The following BCOR variants were observed in gnomAD, a reference collection of about 807,000 sequenced individuals.
BCOR encodes BCL-6 corepressor.
A neutral mutation model predicts 86.7 loss-of-function variants in BCOR; 10 were observed. That is an observed-to-expected ratio of 0.12 (90% CI 0.07 to 0.20). The LOEUF is 0.20. BCOR is among the 10% of genes least tolerant of loss of function. BCOR has a pLI of 1.00. For missense variants in BCOR, 1,259 were observed against 1,452.1 expected (o/e 0.87, Z 2.16); for synonymous variants, 611 against 609.0 (o/e 1.00, Z -0.05).
chrX:40,125,294 C>A (rs1937525885), intron 1 of BCOR, among the ~76,000 whole-genome samples: 3 of 111,558 alleles, frequency 2.7e-5, no homozygotes, highest in African/African-American at 9.8e-5. Context: ...AGTGCAGTGG[C>A]GAGATCTCAG....
intron 1 of BCOR, among the ~76,000 whole-genome samples, chrX:40,110,108 A>C (rs912102295): frequency 8.9e-6 from 1 of 112,919 alleles, no homozygotes; most frequent in African/African-American, 3.2e-5. Flanking sequence ...CATGATGTTC[A>C]GGGTAATTTC....
chrX:40,104,412 CCTT>C (rs1477512169), intron 1 of BCOR, among the ~76,000 whole-genome samples: 1 of 112,183 alleles, frequency 8.9e-6, no homozygotes, highest in Non-Finnish European at 1.9e-5. Flanking sequence ...TTTTAGAAAT[CCTT>C]CTTTCCGCAC....
At chrX:40,146,254 G>A (rs899110304) in intron 1 of BCOR, among the ~76,000 whole-genome samples, 1 of 111,746 alleles carries the variant, frequency 8.9e-6, no homozygotes, top group East Asian at 2.9e-4. Context: ...CGCGGAGCCG[G>A]GGCTGGGGAG....
At chrX:40,099,256 C>T (rs1265330582), upstream of BCOR, among the ~76,000 whole-genome samples, 1 of 112,078 alleles carries the variant, frequency 8.9e-6, no homozygotes, top group Non-Finnish European at 1.9e-5. Flanking sequence ...AGCGGAGAAG[C>T]GAGGTTCCGG....
intron 1 of BCOR, among the ~76,000 whole-genome samples, chrX:40,095,510 TA>T (rs1936816287): frequency 9.1e-6 from 1 of 110,300 alleles, no homozygotes; most frequent in Non-Finnish European, 1.9e-5. Flanking sequence ...CAGGCCATTT[TA>T]AGGATCTTTC....
intron 1 of BCOR, among the ~76,000 whole-genome samples, chrX:40,095,146 TC>T (rs762763438): frequency 7.5e-5 from 8 of 106,760 alleles, no homozygotes; most frequent in Non-Finnish European, 1.6e-4. Context: ...ATCATCGCCT[TC>T]CCCCCCCACT....
intron 1 of BCOR, among the ~76,000 whole-genome samples, chrX:40,138,128 T>A (rs1937726801): frequency 9.0e-6 from 1 of 111,693 alleles, no homozygotes; most frequent in Non-Finnish European, 1.9e-5. Flanking sequence ...AATTTTGTAT[T>A]TTTAGTAGAG....
At chrX:40,065,662 A>AC (rs749027897) in intron 6 of BCOR, among the ~76,000 whole-genome samples, 1 of 112,198 alleles carries the variant, frequency 8.9e-6, no homozygotes, top group East Asian at 2.8e-4. Flanking sequence ...TTTTTCTAAT[A>AC]CACAATGAAT....
intron 7 of BCOR, among the ~76,000 whole-genome samples, 172 bp from the exon 8 acceptor site, chrX:40,064,124 G>A (rs1935055260): frequency 9.2e-6 from 1 of 108,844 alleles, no homozygotes; most frequent in Non-Finnish European, 1.9e-5. Context: ...GAGGGGAGGT[G>A]TGGGCGGCTC....
At chrX:40,109,433 G>A (rs1458466737) in intron 1 of BCOR, among the ~76,000 whole-genome samples, 1 of 112,406 alleles carries the variant, frequency 8.9e-6, no homozygotes, top group African/African-American at 3.2e-5. Flanking sequence ...CCCCCACGCC[G>A]GGCTTCAAAA....
Position 40,074,793 on chromosome X carries a change from T to C in BCOR, c.553A>G (p.Ser185Gly), listed in dbSNP as rs1471719373. ...TTGACCCAGGGCAGCCGCAGATAAC[T>C]AGCACCATTGATGTTGAGAGGGCTC... is the stretch of plus-strand genomic sequence containing the variant. ...KQSPLNINGA[S>G]YLRLPWVNPY... Residue 185 changes from serine (S) to glycine (G), a missense_variant, in exon 4 of 15, where the codon AGT (serine) becomes GGT (glycine). By Grantham distance (56) the Ser-to-Gly change is moderately conservative. This residue lies in a region of BCOR where 174 missense variants were observed against 189.3 expected (regional missense o/e 0.92). Transcript: ENST00000378444. 1.7e-6 allele frequency: 2 copies of C among 1,211,821 alleles called. No homozygotes were observed. The highest frequency in any genetic ancestry group is 1.8e-5 in the South Asian group (1 of 56,977).
At chrX:40,081,836 T>C (rs1396451889) in intron 1 of BCOR, among the ~76,000 whole-genome samples, 9 of 111,609 alleles carry the variant, frequency 8.1e-5, no homozygotes, top group Admixed American at 7.5e-4. Flanking sequence ...AGGGTGTGGG[T>C]CTCTAAAGAA....
chrX:40,108,784 C>G (rs1386859205), intron 1 of BCOR, among the ~76,000 whole-genome samples: 1 of 113,295 alleles, frequency 8.8e-6, no homozygotes, highest in Non-Finnish European at 1.9e-5. Flanking sequence ...CCAAACTGAT[C>G]GCACCCTGTA....
Position 40,140,215 on chromosome X carries a change from T to C in BCOR, c.-41+36792A>G, listed in dbSNP as rs1937889088. Among the ~76,000 whole-genome samples the C allele has an allele frequency of 2.9e-5, 3 of 105,241 alleles. No homozygotes were observed. The South Asian group carries it at 1.3e-3, about 45-fold the overall frequency. 91.4% of individuals were successfully genotyped at this position (105,241 alleles called of 115,157 possible). On this transcript the variant is annotated intron_variant, in intron 1 of 14. Transcript: ENST00000342274. ...GCTCACGGCTGTAATCCCAGCACTT[T>C]GGGAGGCCGAGGCGGGAGGATCACT...
rs541424629 is a variant in BCOR, at chrX:40,152,950, G to A, written c.-41+24057C>T. On this transcript the variant is annotated intron_variant, in intron 1 of 14. Coordinates refer to the BCOR transcript ENST00000342274. ...TCCGCGGGAGGCCGATGGTCAAAGT[G>A]GGGGGTGAAACCGCTCAGGGTGACC... 1.7e-4 allele frequency among the ~76,000 whole-genome samples: 19 copies of A among 112,819 alleles called. No individual in the cohort carries two copies. The South Asian group carries it at 6.3e-3, about 37-fold the overall frequency.
chrX:40,090,508 C>T (rs978569957), intron 1 of BCOR, among the ~76,000 whole-genome samples: 4 of 112,783 alleles, frequency 3.5e-5, no homozygotes, highest in Non-Finnish European at 7.5e-5. Context: ...GGCGATTCCC[C>T]CCAAGTCCCG....
At chrX:40,115,238 G>A (rs1410051189) in intron 1 of BCOR, among the ~76,000 whole-genome samples, 1 of 111,710 alleles carries the variant, frequency 9.0e-6, no homozygotes, top group Non-Finnish European at 1.9e-5. Flanking sequence ...TTGTTTGTCT[G>A]TCATGCATAT....
In BCOR at chrX:40,064,462, G is replaced by C; in HGVS notation, c.3376C>G (p.His1126Asp). The change falls in exon 7 of 15, where the codon CAC becomes GAC. Residue 1126 changes from histidine to aspartate, a missense_variant. Physicochemically the swap from His to Asp is moderately conservative, Grantham distance 81. Transcript: ENST00000378444. ...CTGTCCACCCGGAGGGTGGGGCTGT[G>C]AGGCATGTCCGAGGCCACCTGGTCT... ...PADQVASDMP[H>D]SPTLRVDRKR... The C allele has an allele frequency of 8.2e-7, 1 of 1,212,470 alleles. No homozygotes were observed.
chrX:40,167,624 T>G (rs1346526019), intron 1 of BCOR, among the ~76,000 whole-genome samples: 1 of 112,957 alleles, frequency 8.9e-6, no homozygotes, highest in Non-Finnish European at 1.9e-5. Flanking sequence ...GCTTTTATTG[T>G]GCACGCAGCC....
Sources: allele counts gnomAD v4.1 joint callset (sites outside exome capture counted in the v4.1 genomes callset), GRCh38; gene constraint gnomAD v4.1.1; regional missense constraint gnomAD v4.1.1; transcripts MANE v1.5; gene names NCBI Gene and HGNC (gene_info 2026-07-23, HGNC 2026-07-21).